DENND5B: variants seen among roughly 807,000 people sequenced by gnomAD.
DENND5B encodes the protein DENN domain-containing protein 5B.
Under a neutral mutation model 140.6 loss-of-function variants are expected in DENND5B, and 34 were observed. The ratio of observed to expected loss-of-function variants is 0.24; its 90% CI spans 0.18 to 0.32. The LOEUF (loss-of-function observed/expected upper bound fraction) is 0.32. DENND5B is among the 10% of genes least tolerant of loss of function. The pLI, the probability that DENND5B is intolerant of heterozygous loss-of-function variation, is 1.00. For synonymous variants in DENND5B, 551 were observed against 562.1 expected (o/e 0.98, Z 0.28); for missense variants, 1,142 against 1,560.2 (o/e 0.73, Z 4.52).
At chr12:31,573,328 T>C (rs996044210) in intron 1 of DENND5B, among the ~76,000 whole-genome samples, 3 of 152,224 alleles carry the variant, frequency 2.0e-5, no homozygotes, top group African/African-American at 7.2e-5. Context: ...CACCAATCTC[T>C]CGCTCACACA....
chr12:31,393,689 T>C (rs1054450214), intron 17 of DENND5B, among the ~76,000 whole-genome samples: 6 of 152,180 alleles, frequency 3.9e-5, no homozygotes, highest in African/African-American at 1.4e-4. Flanking sequence ...TGCATGAACA[T>C]TTCTTTTTTC....
At position 31,590,998 on chromosome 12, in the gene DENND5B, C is replaced by T. The variant is rs1040909473; in HGVS notation, c.-166G>A. 1.7e-5 allele frequency: 13 copies of T among 780,594 alleles called. No individual in the cohort carries two copies. The highest frequency in any genetic ancestry group is 6.0e-4 in the Middle Eastern group (1 of 1,656). 48.4% of individuals were successfully genotyped at this position (780,594 alleles called of 1,614,324 possible). A position where few individuals can be genotyped will look rare whatever the true frequency, so the allele number is the denominator to read the frequency against. On this transcript the variant is annotated 5_prime_UTR_variant, in exon 1 of 21. Transcript: ENST00000389082. The stretch of plus-strand genomic sequence containing the variant: ...CGCCGCCGCAGCCTGCCTCCTCGCT[C>T]GGCGCGGGGGAAGCGGCCGCGGGCT...
chr12:31,440,513 A>G (rs896738067), intron 7 of DENND5B, among the ~76,000 whole-genome samples: 3 of 152,180 alleles, frequency 2.0e-5, no homozygotes, highest in African/African-American at 7.2e-5. Context: ...TTCCTCCCCA[A>G]GACTTTGGTA....
At chr12:31,485,317 G>A (rs561533883) in intron 2 of DENND5B, among the ~76,000 whole-genome samples, 1 of 152,190 alleles carries the variant, frequency 6.6e-6, no homozygotes, top group Admixed American at 6.5e-5. Context: ...CAAGCATCTC[G>A]ACAATTTTTT....
intron 1 of DENND5B, among the ~76,000 whole-genome samples, chr12:31,506,152 A>G (rs1482058718): frequency 6.6e-6 from 1 of 152,196 alleles, no homozygotes; most frequent in African/African-American, 2.4e-5. Flanking sequence ...GATTTTAGTA[A>G]GAGTACATCA....
chr12:31,564,962 A>G (rs1431913090), intron 1 of DENND5B, among the ~76,000 whole-genome samples: 2 of 152,144 alleles, frequency 1.3e-5, no homozygotes, highest in Admixed American at 6.5e-5. Context: ...AATCCTGCAC[A>G]CTACTATTGC....
At position 31,442,440 on chromosome 12, in the gene DENND5B, C is replaced by T. The variant is rs568410475; in HGVS notation, c.2012+335G>A. 3.3e-5 allele frequency among the ~76,000 whole-genome samples: 5 copies of T among 152,244 alleles called. No homozygotes were observed. The East Asian group carries it at 9.6e-4, about 29-fold the overall frequency. ...TGTTATAGCAGCCCTAGGAAACTAA[C>T]ACAGATGATAAAGGTCTAACCTTTC... On this transcript the variant is annotated intron_variant, in intron 7 of 20. Transcript: ENST00000389082.
At chr12:31,518,146 C>G (rs935268863) in intron 1 of DENND5B, among the ~76,000 whole-genome samples, 1 of 152,242 alleles carries the variant, frequency 6.6e-6, no homozygotes, top group African/African-American at 2.4e-5. Context: ...TCTGATTACA[C>G]AGCTCATCTT....
chr12:31,569,060 CT>C (rs1234009016), intron 1 of DENND5B, among the ~76,000 whole-genome samples: 1,191 of 93,140 alleles, frequency 0.013, 9 homozygotes, highest in Non-Finnish European at 0.016. Flanking sequence ...AGCAACATAC[CT>C]TTTTTTTTTT....
At chr12:31,453,069 A>G (rs1944614599) in intron 4 of DENND5B, among the ~76,000 whole-genome samples, 1 of 152,220 alleles carries the variant, frequency 6.6e-6, no homozygotes, top group Non-Finnish European at 1.5e-5. Context: ...GTATCTCCCA[A>G]TAGGATGAAA....
intron 1 of DENND5B, among the ~76,000 whole-genome samples, chr12:31,543,435 A>G (rs898122740): frequency 6.6e-6 from 1 of 152,242 alleles, no homozygotes; most frequent in Non-Finnish European, 1.5e-5. Context: ...ATACCTTTTC[A>G]AAGTTTTTAT....
chr12:31,586,230 AT>A (rs1950388741), intron 1 of DENND5B, among the ~76,000 whole-genome samples: 1 of 152,166 alleles, frequency 6.6e-6, no homozygotes, highest in Non-Finnish European at 1.5e-5. Context: ...TAATTGCATG[AT>A]TTACCTCCAT....
chr12:31,394,655 C>T (rs1057187513), intron 17 of DENND5B, among the ~76,000 whole-genome samples: 2 of 150,964 alleles, frequency 1.3e-5, no homozygotes, highest in Non-Finnish European at 3.0e-5. Context: ...GCTCTGTCAC[C>T]CAGGCTGGAG....
chr12:31,587,652 A>G (rs1361237704), intron 1 of DENND5B, among the ~76,000 whole-genome samples: 3 of 140,184 alleles, frequency 2.1e-5, no homozygotes, highest in Non-Finnish European at 3.0e-5. Context: ...GGTTCAAGCG[A>G]TTCTCCTGCC....
chr12:31,475,048 A>G (rs1388792682), intron 3 of DENND5B, among the ~76,000 whole-genome samples: 1 of 152,162 alleles, frequency 6.6e-6, no homozygotes, highest in African/African-American at 2.4e-5. Flanking sequence ...GTAGTACTAC[A>G]TTACTTACTA....
At chr12:31,421,015 G>A (rs1010525239) in intron 11 of DENND5B, among the ~76,000 whole-genome samples, 2 of 152,054 alleles carry the variant, frequency 1.3e-5, no homozygotes, top group African/African-American at 2.4e-5. Flanking sequence ...ATGATTCAGT[G>A]CTAGTAAGAA....
intron 1 of DENND5B, among the ~76,000 whole-genome samples, chr12:31,580,147 T>C (rs968775006): frequency 5.9e-5 from 9 of 152,092 alleles, no homozygotes; most frequent in African/African-American, 2.2e-4. Flanking sequence ...AACCACTTTC[T>C]GAAATTTCAT....
rs915007916 is a variant in DENND5B, at chr12:31,414,576, T to C, written c.2552+791A>G. Among the ~76,000 whole-genome samples, 8 of 152,162 alleles carry C rather than the reference T, an allele frequency of 5.3e-5. 1 individual carries two copies. In the South Asian group the frequency reaches 1.2e-3, roughly 24 times the overall value. The stretch of plus-strand genomic sequence containing the variant: ...GGCTCACGTCTGTAATCCCAGCCCT[T>C]TGGGAGGCCGAGGCGGGAGAATCAC... On this transcript the variant is annotated intron_variant, in intron 12 of 20. Coordinates refer to ENST00000389082, the MANE Select transcript of DENND5B (RefSeq NM_144973.4).
At chr12:31,451,417 G>C (rs968611823) in intron 5 of DENND5B, among the ~76,000 whole-genome samples, 1 of 152,112 alleles carries the variant, frequency 6.6e-6, no homozygotes, top group Non-Finnish European at 1.5e-5. Context: ...TCTGCCTCCC[G>C]GGTTCAAGCG....
Sources: gnomAD v4.1 joint callset for allele counts (sites outside exome capture counted in the v4.1 genomes callset) on GRCh38, gnomAD v4.1.1 for gene constraint, MANE v1.5 for transcripts, NCBI Gene and HGNC (gene_info 2026-07-23, HGNC 2026-07-21) for gene names.